The following ZMYM5 variants were observed in gnomAD, a reference collection of about 807,000 sequenced individuals.
ZMYM5 encodes the protein zinc finger MYM-type containing 5.
A neutral mutation model predicts 61.8 loss-of-function variants in ZMYM5; 41 were observed. The ratio of observed to expected loss-of-function variants is 0.66; its 90% confidence interval spans 0.52 to 0.86. The LOEUF is 0.86. Ranked by LOEUF, ZMYM5 falls within the 40% of genes least tolerant of loss-of-function variation. The pLI is 0.00. For synonymous variants in ZMYM5, 257 were observed against 276.4 expected, an observed-to-expected ratio of 0.93 and a Z score of 0.70; for missense variants, 706 against 786.7, an observed-to-expected ratio of 0.90 and a Z score of 1.23.
chr13:19,852,057 AAGG>A lies in ZMYM5; in HGVS notation c.121_123del (p.Pro41del). The A allele has an allele frequency of 6.2e-7, 1 of 1,614,002 alleles. No individual in the cohort carries two copies. The highest frequency in any genetic ancestry group is 8.5e-7 in the Non-Finnish European group (1 of 1,180,018). ...GGTGAGTTCCTAGATCTACTGACTA[AAGG>A]ACAAGCTGGATGACCAAATGAATCC... On this transcript the variant is annotated inframe_deletion, in exon 3 of 8. Transcript: ENST00000337963.
chr13:19,832,776 G>A (rs1952566967), intron 7 of ZMYM5, among the ~76,000 whole-genome samples: 1 of 151,886 alleles, frequency 6.6e-6, no homozygotes, highest in South Asian at 2.1e-4. Flanking sequence ...TTTAAATTTC[G>A]TTTTGTTAAA....
At chr13:19,862,173 C>T (rs1953792289) in intron 2 of ZMYM5, among the ~76,000 whole-genome samples, 1 of 152,026 alleles carries the variant, frequency 6.6e-6, no homozygotes, top group African/African-American at 2.4e-5. Context: ...AACTTTAAAT[C>T]TTGTTCTGGA....
At chr13:19,847,642 CTT>C (rs61154366) in intron 4 of ZMYM5, among the ~76,000 whole-genome samples, 4 of 140,724 alleles carry the variant, frequency 2.8e-5, no homozygotes, top group Non-Finnish European at 4.6e-5. Flanking sequence ...TTTAATTTTT[CTT>C]TTTTTTTTTT....
At chr13:19,827,827 C>T (rs546233301) in intron 7 of ZMYM5, among the ~76,000 whole-genome samples, 2 of 150,862 alleles carry the variant, frequency 1.3e-5, no homozygotes, top group African/African-American at 2.4e-5. Flanking sequence ...GTCAGGAGAT[C>T]GAGACCATGG....
intron 2 of ZMYM5, among the ~76,000 whole-genome samples, chr13:19,859,569 AT>A (rs112847935): frequency 0.012 from 1,678 of 144,694 alleles, 37 homozygotes; most frequent in African/African-American, 0.038. Flanking sequence ...TGCCCAGCTG[AT>A]TTTTTTTTTT....
intron 1 of ZMYM5, among the ~76,000 whole-genome samples, 162 bp from the exon 2 acceptor site, chr13:19,862,628 T>A (rs1953812898): frequency 6.6e-6 from 1 of 151,304 alleles, no homozygotes; most frequent in African/African-American, 2.4e-5. Flanking sequence ...AAAAAAGAAC[T>A]ATAGGAACCG....
At chr13:19,860,540 T>C (rs1024676801) in intron 2 of ZMYM5, among the ~76,000 whole-genome samples, 3 of 151,246 alleles carry the variant, frequency 2.0e-5, no homozygotes, top group Non-Finnish European at 4.4e-5. Context: ...CGACCTCAGG[T>C]GATCTGCCTG....
At chr13:19,856,709 C>T (rs1953526535) in intron 2 of ZMYM5, among the ~76,000 whole-genome samples, 1 of 151,986 alleles carries the variant, frequency 6.6e-6, no homozygotes, top group Admixed American at 6.6e-5. Flanking sequence ...ACTCAGGAGA[C>T]TGAGGCAAGA....
chr13:19,837,440 A>G (rs1251217431), intron 6 of ZMYM5: 3 of 1,546,308 alleles, frequency 1.9e-6, no homozygotes, highest in African/African-American at 1.4e-5. Flanking sequence ...CAACAATTCC[A>G]TAGAAACAGA....
At chr13:19,848,337 G>A (rs963810139) in intron 4 of ZMYM5, among the ~76,000 whole-genome samples, 2 of 152,060 alleles carry the variant, frequency 1.3e-5, no homozygotes, top group Non-Finnish European at 2.9e-5. Flanking sequence ...ATGGAGTGTA[G>A]TGTTGTGATC....
chr13:19,845,106 AG>A (rs1357765191), intron 4 of ZMYM5, among the ~76,000 whole-genome samples: 8 of 152,236 alleles, frequency 5.3e-5, no homozygotes. Flanking sequence ...TGCAAACAGT[AG>A]AAACTACCCC....
In ZMYM5 at chr13:19,862,476, G is replaced by A. The variant is rs1953804985; in HGVS notation, c.-78-10C>T. ...AAGGTGATTCCTGGTCCTAGAATGA[G>A]AATTGAAAACCAATTTCGGTACAAC... On this transcript the variant is annotated splice_polypyrimidine_tract_variant and intron_variant, in intron 1 of 7. Coordinates refer to ENST00000337963, the MANE Select transcript of ZMYM5 (RefSeq NM_001142684.2). 2 of 152,094 alleles carry A rather than the reference G, an allele frequency of 1.3e-5. No homozygotes were observed. The highest frequency in any genetic ancestry group is 4.8e-5 in the African/African-American group (2 of 41,394). The allele number at this position is 152,094 out of a possible 1,614,324, so 9.4% of individuals were successfully genotyped here.
rs747215401 is a variant in ZMYM5 at position 19,852,146 on chromosome 13, G to A, written c.35C>T (p.Thr12Ile). The change falls in exon 3 of 8, where the codon ACT becomes ATT. Residue 12 changes from threonine to isoleucine, a missense_variant. Thr to Ile is a moderately conservative substitution (Grantham distance 89, BLOSUM62 -1). Coordinates refer to ENST00000337963, the MANE Select transcript of ZMYM5 (RefSeq NM_001142684.2). ...CCCTAATAAAGCAGGAGTCTGTTCAGTCAACTCTAATCCTCCCACTGAACA... is the reference window on the plus strand; with the variant it reads ...CCCTAATAAAGCAGGAGTCTGTTCAATCAACTCTAATCCTCCCACTGAACA... ...EKCSVGGLEL[T>I]EQTPALLGNM... 2.5e-6 allele frequency: 4 copies of A among 1,610,750 alleles called. No individual in the cohort carries two copies. The East Asian group carries it at 8.9e-5, about 36-fold the overall frequency.
At chr13:19,826,046 T>TAAAAAAAAAAAAAAAA in intron 7 of ZMYM5, among the ~76,000 whole-genome samples, 1 of 118,890 alleles carries the variant, frequency 8.4e-6, no homozygotes, top group Non-Finnish European at 1.7e-5. Flanking sequence ...ACTCCATGCT[T>TAAAAAAAAAAAAAAAA]AAAAAAAAAA....
intron 4 of ZMYM5, among the ~76,000 whole-genome samples, chr13:19,839,242 T>TGAAC (rs1952781144): frequency 6.7e-6 from 1 of 149,786 alleles, no homozygotes; most frequent in African/African-American, 2.5e-5. Context: ...AGCCATCGGC[T>TGAAC]CTTAAGTCAG....
intron 7 of ZMYM5, among the ~76,000 whole-genome samples, chr13:19,832,991 C>T (rs542372605): frequency 8.5e-5 from 13 of 152,082 alleles, no homozygotes; most frequent in Admixed American, 7.2e-4. Context: ...ATCTTGGCCT[C>T]CCAAAGTGCT....
chr13:19,844,894 A>T (rs979085784), intron 4 of ZMYM5, among the ~76,000 whole-genome samples: 1 of 152,186 alleles, frequency 6.6e-6, no homozygotes, highest in African/African-American at 2.4e-5. Context: ...AAGTGCTGGG[A>T]TTATAGGCGT....
In ZMYM5 at chr13:19,824,791, G is replaced by A. The variant is rs188065099; in HGVS notation, c.1696C>T (p.Arg566Trp). The change falls in exon 8 of 8, where the codon CGG (arginine) becomes TGG (tryptophan). Residue 566 changes from arginine (R) to tryptophan (W), a missense_variant. By Grantham distance (101) the Arg-to-Trp change is moderately radical. This residue lies in a region of ZMYM5 where 226 missense variants were observed against 325.0 expected (regional missense o/e 0.70). Transcript: ENST00000337963. ...GRKFSETYYT[R>W]ILPNGEKTTR... ...GTTTTTTCACCATTTGGAAGAATCC[G>A]TGTATAATAAGTTTCTGAAAACTTC... 14 of 1,355,598 alleles carry A rather than the reference G, an allele frequency of 1.0e-5. No individual in the cohort carries two copies. Among genetic ancestry groups the A allele is most frequent in the East Asian group, 4.6e-5 (1 of 21,924 alleles). The allele number at this position is 1,355,598 out of a possible 1,614,324, so 84.0% of individuals were successfully genotyped here. A position where few individuals can be genotyped will look rare whatever the true frequency, so the allele number is the denominator to read the frequency against.
chr13:19,853,528 A>G (rs990534543), intron 2 of ZMYM5, among the ~76,000 whole-genome samples: 2 of 150,874 alleles, frequency 1.3e-5, no homozygotes, highest in Non-Finnish European at 3.0e-5. Context: ...CCTGAGCTCA[A>G]GTGATTCTCC....
Sources: gnomAD v4.1 joint callset for allele counts (sites outside exome capture counted in the v4.1 genomes callset) on GRCh38, gnomAD v4.1.1 for gene constraint, gnomAD v4.1.1 regional missense constraint, MANE v1.5 for transcripts, NCBI Gene and HGNC (gene_info 2026-07-23, HGNC 2026-07-21) for gene names.